Variants in FSIP2 observed in about 807,000 individuals in gnomAD.
The protein encoded by FSIP2 is fibrous sheath-interacting protein 2.
A neutral mutation model predicts 510.5 loss-of-function variants in FSIP2; 367 were observed. The observed-to-expected ratio is 0.72, with a 90% confidence interval of 0.66 to 0.78. The LOEUF is 0.78. FSIP2 is among the 30% of genes least tolerant of loss of function. The probability of loss-of-function intolerance (pLI) is 0.00; values close to 1 mark genes in which losing one functional copy is unlikely to be tolerated. For synonymous variants in FSIP2, 2,601 were observed against 2,732.2 expected (o/e 0.95, Z 1.50); for missense variants, 7,594 against 7,901.7 (o/e 0.96, Z 1.48).
chr2:185,814,216 T>C (rs773532913), intron 18 of FSIP2, among the ~76,000 whole-genome samples, 174 bp downstream of exon 18: 1 of 151,972 alleles, frequency 6.6e-6, no homozygotes, highest in Admixed American at 6.6e-5. Context: ...GAAACTCAAC[T>C]GTGGGAAAGC....
intron 13 of FSIP2, among the ~76,000 whole-genome samples, chr2:185,773,047 G>C (rs1307988636): frequency 6.6e-6 from 1 of 151,836 alleles, no homozygotes; most frequent in Non-Finnish European, 1.5e-5. Context: ...TTTTAGTACA[G>C]ATGGGGTTTT....
chr2:185,824,321 G>A, intron 19 of FSIP2, 113 bp from the exon 20 acceptor site: 1 of 720,708 alleles, frequency 1.4e-6, no homozygotes, highest in Non-Finnish European at 2.4e-6. Context: ...TCAGTGAATA[G>A]TATACTATTT....
At position 185,789,310 on chromosome 2, in the gene FSIP2, C is replaced by T. The variant is rs965981113; in HGVS notation, c.2174C>T (p.Ser725Phe). The change falls in exon 16 of 23, where the codon TCT becomes TTT. Residue 725 changes from serine to phenylalanine, a missense_variant. Coordinates refer to ENST00000424728, the MANE Select transcript of FSIP2 (RefSeq NM_173651.4). ...TCTGATTTAACCCAGGCCATTCCCTCTCTCTCTTCTGTTACTGCTGAAGTT... is the reference window on the plus strand; with the variant it reads ...TCTGATTTAACCCAGGCCATTCCCTTTCTCTCTTCTGTTACTGCTGAAGTT... The part of the protein sequence containing the change: ...IMSDLTQAIP[S>F]LSSVTAEVFV... 2 of 1,534,634 alleles carry T rather than the reference C, an allele frequency of 1.3e-6. No individual in the cohort carries two copies. The highest frequency in any genetic ancestry group is 1.4e-5 in the African/African-American group (1 of 72,950).
rs899732610 is a variant in FSIP2 at position 185,828,516 on chromosome 2, T to G, written c.20517+317T>G. ...GTTACTACAATCTCCAGAAAAACAC[T>G]AGAGGGAGTGAATTACTTGGCCCTA... On this transcript the variant is annotated intron_variant, in intron 21 of 22. Transcript: ENST00000424728. Among the ~76,000 whole-genome samples the G allele has an allele frequency of 3.3e-5, 5 of 151,820 alleles. No individual in the cohort carries two copies. In the East Asian group the frequency reaches 9.7e-4, roughly 30 times the overall value.
chr2:185,790,698 A>G lies in FSIP2; in HGVS notation c.3562A>G (p.Thr1188Ala). The G allele has an allele frequency of 3.3e-6, 5 of 1,534,092 alleles. No individual in the cohort carries two copies. The highest frequency in any genetic ancestry group is 3.5e-6 in the Non-Finnish European group (4 of 1,145,466). ...TAAGGCATCAAACTACATTTCCAAT[A>G]CCACTAAAAGTTCCATTTCATCATC... ...LHKASNYISN[T>A]TKSSISSSVH... is the part of the protein sequence containing the mutation. The change falls in exon 16 of 23, where the codon ACC (threonine) becomes GCC (alanine). Residue 1188 changes from threonine to alanine, a missense_variant. By Grantham distance (58) the Thr-to-Ala change is moderately conservative. Coordinates refer to ENST00000424728, the MANE Select transcript of FSIP2 (RefSeq NM_173651.4).
intron 7 of FSIP2, among the ~76,000 whole-genome samples, chr2:185,749,007 A>G (rs1432044009): frequency 6.6e-6 from 1 of 151,970 alleles, no homozygotes; most frequent in African/African-American, 2.4e-5. Context: ...GTATGGATCT[A>G]TTTTTGGACT....
intron 13 of FSIP2, among the ~76,000 whole-genome samples, chr2:185,779,671 C>A (rs1043696876): frequency 6.7e-6 from 1 of 150,250 alleles, no homozygotes; most frequent in South Asian, 2.1e-4. Context: ...AAATTGCTTT[C>A]TTATTATTGT....
chr2:185,808,897 A>G lies in FSIP2; in HGVS notation c.19591A>G (p.Lys6531Glu), dbSNP rs1216438957. ...IVPHVGKKPV[K>E]IDPKIISEHL... is the part of the protein sequence containing the mutation. ...TCCACATGTTGGAAAAAAACCAGTC[A>G]AAATAGATCCAAAAATTATTTCAGA... The change falls in exon 17 of 23, where the codon AAA becomes GAA. Residue 6531 changes from lysine to glutamate, a missense_variant. Physicochemically the swap from Lys to Glu is moderately conservative, Grantham distance 56. Transcript: ENST00000424728. 6.2e-7 allele frequency: 1 copy of G among 1,605,424 alleles called. No individual in the cohort carries two copies. Among genetic ancestry groups the G allele is most frequent in the African/African-American group, 1.3e-5 (1 of 74,318 alleles).
At chr2:185,788,586 A>C (rs1421996075) in intron 15 of FSIP2, 57 bp from the exon 16 acceptor site, 1 of 1,245,402 alleles carries the variant, frequency 8.0e-7, no homozygotes, top group African/African-American at 1.5e-5. Flanking sequence ...CTGTCTCCAA[A>C]ACATAGAGTA....
At chr2:185,820,751 TAATG>T (rs1211580716) in intron 19 of FSIP2, among the ~76,000 whole-genome samples, 1 of 150,924 alleles carries the variant, frequency 6.6e-6, no homozygotes, top group Non-Finnish European at 1.5e-5. Context: ...AAAGAAGAAA[TAATG>T]AGGGAACTTA....
At chr2:185,754,836 C>A (rs944888187) in intron 8 of FSIP2, among the ~76,000 whole-genome samples, 3 of 151,486 alleles carry the variant, frequency 2.0e-5, no homozygotes, top group Non-Finnish European at 4.4e-5. Flanking sequence ...ATGGCTTGGG[C>A]AAATTATTTA....
chr2:185,801,643 A>G lies in FSIP2; in HGVS notation c.12337A>G (p.Ile4113Val). The change falls in exon 17 of 23, where the codon ATA (isoleucine) becomes GTA (valine). Residue 4113 changes from isoleucine to valine, a missense_variant. By Grantham distance (29) the Ile-to-Val change is conservative (BLOSUM62 3). Coordinates refer to ENST00000424728, the MANE Select transcript of FSIP2 (RefSeq NM_173651.4). ...HSYYPLKPEI[I>V]LQKLQSNLTE... ...ATATTACCCTCTCAAACCTGAAATT[A>G]TATTGCAAAAGCTTCAAAGTAACCT... The G allele has an allele frequency of 2.6e-6, 4 of 1,529,938 alleles. No individual in the cohort carries two copies. The highest frequency in any genetic ancestry group is 3.5e-6 in the Non-Finnish European group (4 of 1,144,004). The allele number at this position is 1,529,938 out of a possible 1,614,324, so 94.8% of individuals were successfully genotyped here.
At chr2:185,780,797 T>A (rs1692833641) in intron 13 of FSIP2, among the ~76,000 whole-genome samples, 1 of 152,202 alleles carries the variant, frequency 6.6e-6, no homozygotes, top group Non-Finnish European at 1.5e-5. Flanking sequence ...CAATAATATT[T>A]GGATAGGTTG....
chr2:185,821,486 A>G (rs1693918428), intron 19 of FSIP2, among the ~76,000 whole-genome samples: 1 of 152,094 alleles, frequency 6.6e-6, no homozygotes, highest in East Asian at 1.9e-4. Context: ...AGAAAACACT[A>G]CAGAACAATA....
chr2:185,760,104 T>C, intron 9 of FSIP2, among the ~76,000 whole-genome samples: 1 of 150,968 alleles, frequency 6.6e-6, no homozygotes, highest in East Asian at 1.9e-4. Context: ...ATCTGTAAAT[T>C]CTATTTTGCT....
rs200947052 is a variant in FSIP2 at position 185,795,161 on chromosome 2, A to G, written c.8025A>G (p.Lys2675=). 24 of 1,534,740 alleles carry G rather than the reference A, an allele frequency of 1.6e-5. No individual in the cohort carries two copies. The highest frequency in any genetic ancestry group is 1.9e-5 in the Non-Finnish European group (22 of 1,146,154). The change falls in exon 16 of 23, where the codon AAA becomes AAG. Residue 2675 remains lysine (K), a synonymous_variant. Coordinates refer to ENST00000424728, the MANE Select transcript of FSIP2 (RefSeq NM_173651.4). ...GATCAAAAATTACCACTTTGCCTAA[A>G]TTTACAAAAAAAACACACTTAGGAC... ...KTRSKITTLP[K]FTKKTHLGLS...
intron 7 of FSIP2, among the ~76,000 whole-genome samples, chr2:185,753,154 C>G (rs1692181362): frequency 6.6e-6 from 1 of 151,332 alleles, no homozygotes; most frequent in Non-Finnish European, 1.5e-5. Flanking sequence ...GTTGCAGTGA[C>G]TGTTTTCTCC....
At position 185,746,693 on chromosome 2, in the gene FSIP2, A is replaced by G. The variant is rs1692040297; in HGVS notation, c.642A>G (p.Lys214=). The G allele has an allele frequency of 6.6e-7, 1 of 1,523,002 alleles. No individual in the cohort carries two copies. Among genetic ancestry groups the G allele is most frequent in the Non-Finnish European group, 8.8e-7 (1 of 1,141,840 alleles). The allele number at this position is 1,523,002 out of a possible 1,614,324, so 94.3% of individuals were successfully genotyped here. A position where few individuals can be genotyped will look rare whatever the true frequency, so the allele number is the denominator to read the frequency against. ...GATATTTGGATATGATAAGTAGAAA[A>G]CTAGAACAACTTGAACGCACAGCAG... ...RHRYLDMISR[K]LEQLERTAEE... is the part of the protein sequence containing the mutation. The change falls in exon 6 of 23, where the codon AAA becomes AAG. Residue 214 remains lysine, a synonymous_variant. Transcript: ENST00000424728.
At chr2:185,772,417 T>C (rs888287422) in intron 13 of FSIP2, among the ~76,000 whole-genome samples, 4 of 152,210 alleles carry the variant, frequency 2.6e-5, no homozygotes, top group Non-Finnish European at 5.9e-5. Context: ...CTCACGGTTC[T>C]GCATGGCACC....
Sources: allele counts gnomAD v4.1 joint callset (sites outside exome capture counted in the v4.1 genomes callset), GRCh38; gene constraint gnomAD v4.1.1; transcripts MANE v1.5; gene names NCBI Gene and HGNC (gene_info 2026-07-23, HGNC 2026-07-21).